The following DRC4 variants were observed in gnomAD, a reference collection of about 807,000 sequenced individuals.
DRC4 encodes dynein regulatory complex subunit 4, also known as GAS-11.
chr16:90,022,781 G>T, the DRC4 span: 2 of 1,303,022 alleles, frequency 1.5e-6, no homozygotes, highest in East Asian at 3.1e-5. Context: ...AGACCTCGGG[G>T]CAGGGAGGCC....
At chr16:90,027,526 G>C in the DRC4 span, 1 of 1,019,988 alleles carries the variant, frequency 9.8e-7, no homozygotes, top group Non-Finnish European at 1.5e-6. Context: ...GTGAGCAGAA[G>C]GGAGAGAGGT....
the DRC4 span, among the ~76,000 whole-genome samples, chr16:90,026,492 C>G: frequency 3.3e-5 from 5 of 152,132 alleles, no homozygotes; most frequent in African/African-American, 4.8e-5. Context: ...CACAACCGAT[C>G]GTGGTTATGG....
chr16:90,022,806 C>G, the DRC4 span: 11 of 1,225,908 alleles, frequency 9.0e-6, no homozygotes, highest in South Asian at 1.1e-4. Context: ...TACACGGAGA[C>G]CCTGGGAATG....
chr16:90,042,503 G>A, the DRC4 span: 66 of 1,613,808 alleles, frequency 4.1e-5, no homozygotes, highest in African/African-American at 8.0e-4. Flanking sequence ...CACCATCAAG[G>A]ACCTGCAGTA....
the DRC4 span, chr16:90,029,074 C>T: frequency 7.7e-7 from 1 of 1,306,270 alleles, no homozygotes. Flanking sequence ...TGAGCTGCTG[C>T]CCGTCTCCCT....
the DRC4 span, chr16:90,044,010 GA>G: frequency 9.3e-6 from 4 of 428,656 alleles, no homozygotes; most frequent in Non-Finnish European, 1.9e-5. Flanking sequence ...GAGGCCAGGA[GA>G]GAGTATAAGG....
the DRC4 span, chr16:90,036,558 A>G: frequency 6.3e-7 from 1 of 1,592,702 alleles, no homozygotes. Context: ...ATCACCCTCA[A>G]CAACCTGGCC....
At chr16:90,024,158 A>ACACACAC in the DRC4 span, among the ~76,000 whole-genome samples, 14 of 151,242 alleles carry the variant, frequency 9.3e-5, no homozygotes, top group South Asian at 4.2e-4. Flanking sequence ...ACACACACAC[A>ACACACAC]AAATTAGCCG....
the DRC4 span, among the ~76,000 whole-genome samples, chr16:90,025,040 A>G: frequency 1.4e-5 from 2 of 141,284 alleles, no homozygotes. Context: ...TTTTTGAGGT[A>G]GAGTCTTACC....
the DRC4 span, chr16:90,037,287 A>G: frequency 6.2e-7 from 1 of 1,613,938 alleles, no homozygotes; most frequent in Non-Finnish European, 8.5e-7. Flanking sequence ...GAGATGGCAG[A>G]GGTGTCTGGG....
At chr16:90,027,779 G>C in the DRC4 span, 1 of 1,501,236 alleles carries the variant, frequency 6.7e-7, no homozygotes. Context: ...GCACCACGCA[G>C]GGTGCCTACG....
the DRC4 span, chr16:90,027,686 C>T: frequency 2.3e-5 from 37 of 1,614,178 alleles, no homozygotes; most frequent in Admixed American, 3.0e-4. Flanking sequence ...CCCCGATTGT[C>T]GATGGGCTCG....
At chr16:90,043,098 C>A in the DRC4 span, 1 of 1,358,576 alleles carries the variant, frequency 7.4e-7, no homozygotes, top group Non-Finnish European at 1.0e-6. Flanking sequence ...TCCTTCTGCA[C>A]CGTGATGCTC....
the DRC4 span, among the ~76,000 whole-genome samples, chr16:90,030,852 G>T: frequency 6.6e-6 from 1 of 152,106 alleles, no homozygotes. Context: ...TCCTGGGCGC[G>T]AGGGATCCTT....
At chr16:90,036,673 C>T in the DRC4 span, 11 of 1,156,548 alleles carry the variant, frequency 9.5e-6, no homozygotes, top group Non-Finnish European at 1.4e-5. Context: ...GACCCCAGCT[C>T]TCCACCCCAA....
chr16:90,026,335 T>C, the DRC4 span, among the ~76,000 whole-genome samples: 1 of 152,138 alleles, frequency 6.6e-6, no homozygotes, highest in African/African-American at 2.4e-5. Context: ...CTTGTCAAAG[T>C]TGCTAAAACC....
the DRC4 span, chr16:90,035,759 A>C: frequency 4.3e-6 from 7 of 1,613,778 alleles, no homozygotes; most frequent in Admixed American, 1.7e-5. Flanking sequence ...ATTTACCTCC[A>C]GAGCTTGTTA....
the DRC4 span, chr16:90,037,368 C>G: frequency 1.2e-6 from 2 of 1,613,766 alleles, no homozygotes; most frequent in Non-Finnish European, 1.7e-6. Flanking sequence ...AAACAGCTCG[C>G]AAACTACGAG....
chr16:90,031,516 A>G, the DRC4 span: 1 of 1,545,618 alleles, frequency 6.5e-7, no homozygotes, highest in Non-Finnish European at 8.7e-7. Flanking sequence ...GCCGGCCTGC[A>G]CGTGCTAACC....
Sources: allele counts gnomAD v4.1 joint callset (sites outside exome capture counted in the v4.1 genomes callset), GRCh38; gene constraint gnomAD v4.1.1; transcripts MANE v1.5; gene names NCBI Gene and HGNC (gene_info 2026-07-23, HGNC 2026-07-21).